Variants in FLT1 observed in about 807,000 individuals in gnomAD.
The protein encoded by FLT1 is fms related receptor tyrosine kinase 1.
In FLT1, 49 loss-of-function variants were observed where a neutral mutation model predicts 156.3. The observed-to-expected ratio is 0.31, with a 90% confidence interval of 0.25 to 0.40. The LOEUF (loss-of-function observed/expected upper bound fraction) is 0.40. Ranked by LOEUF, FLT1 falls within the 10% of genes least tolerant of loss-of-function variation. The pLI is 1.00. For synonymous variants in FLT1, 594 were observed against 583.8 expected (o/e 1.02, Z -0.25); for missense variants, 1,322 against 1,637.2 (o/e 0.81, Z 3.32).
At chr13:28,351,957 C>T (rs996761391) in intron 15 of FLT1, among the ~76,000 whole-genome samples, 4 of 152,166 alleles carry the variant, frequency 2.6e-5, no homozygotes, top group Non-Finnish European at 5.9e-5. Context: ...TACAACAAGC[C>T]TACAAAGATT....
At chr13:28,449,163 G>A (rs564695944) in intron 3 of FLT1, among the ~76,000 whole-genome samples, 70 of 152,214 alleles carry the variant, frequency 4.6e-4, no homozygotes, top group Admixed American at 1.4e-3. Flanking sequence ...CACACCTATA[G>A]TCCCAGCTAC....
At chr13:28,441,874 T>C (rs1227558235) in intron 3 of FLT1, among the ~76,000 whole-genome samples, 1 of 152,222 alleles carries the variant, frequency 6.6e-6, no homozygotes, top group Non-Finnish European at 1.5e-5. Flanking sequence ...CTTTCTAGAA[T>C]GATCATGCAT....
At chr13:28,368,587 TGATGATGATGAC>T (rs1465294974) in intron 14 of FLT1, 3 of 1,502,476 alleles carry the variant, frequency 2.0e-6, no homozygotes, top group Non-Finnish European at 2.7e-6. Context: ...GCTATGATGA[TGATGATGATGAC>T]GATGATGATG....
chr13:28,328,176 T>C (rs1871772822), intron 19 of FLT1: 1 of 152,414 alleles, frequency 6.6e-6, no homozygotes, highest in African/African-American at 2.4e-5. Context: ...CCAAGAAAAC[T>C]ATGAACACAG....
chr13:28,488,026 A>G (rs902502272), intron 1 of FLT1, among the ~76,000 whole-genome samples: 6 of 151,632 alleles, frequency 4.0e-5, no homozygotes, highest in African/African-American at 9.7e-5. Flanking sequence ...CGTGGGAGCC[A>G]GAAGAGAGAG....
chr13:28,305,180 G>A (rs1044323309), intron 29 of FLT1, among the ~76,000 whole-genome samples: 32 of 152,044 alleles, frequency 2.1e-4, no homozygotes, highest in African/African-American at 6.0e-4. Flanking sequence ...CCATATCCTC[G>A]CCACACTGAC....
Position 28,384,905 on chromosome 13 carries a change from T to C in FLT1, c.2096A>G (p.His699Arg). The change falls in exon 14 of 30, where the codon CAC (histidine) becomes CGC (arginine). Residue 699 changes from histidine (H) to arginine (R), a missense_variant. Physicochemically the swap from His to Arg is conservative, Grantham distance 29. Around this residue, in one of 3 missense-constraint regions of FLT1, gnomAD observed 991 missense variants for 1,254.8 expected, o/e 0.79. Transcript: ENST00000282397. Reference sequence around the variant, plus strand: ...CTTACCAGGCTCTTGTTGTATTTTGTGGTTGTTTTTAAACCAAGTGATCTG... The same window carrying C: ...CTTACCAGGCTCTTGTTGTATTTTGCGGTTGTTTTTAAACCAAGTGATCTG... ...EPQITWFKNNHKIQQEPGIIL... is the reference protein window; with the variant it reads ...EPQITWFKNNRKIQQEPGIIL... 2 of 1,614,126 alleles carry C rather than the reference T, an allele frequency of 1.2e-6. No homozygotes were observed. Among genetic ancestry groups the C allele is most frequent in the Non-Finnish European group, 1.7e-6 (2 of 1,179,992 alleles).
chr13:28,333,893 C>A (rs1872019141), intron 18 of FLT1, 132 bp downstream of exon 18: 1 of 756,582 alleles, frequency 1.3e-6, no homozygotes. Flanking sequence ...AGGCCTCTAG[C>A]AGTAGAAGAA....
rs1056377770 is a variant in FLT1, at chr13:28,368,653, T to A, written c.2117-10968A>T. Reference sequence around the variant, plus strand: ...ATGACGATGACGATGGTGACGTTGATGTATACAGTTCTAGGTACACAGTAA... The same window carrying A: ...ATGACGATGACGATGGTGACGTTGAAGTATACAGTTCTAGGTACACAGTAA... On this transcript the variant is annotated intron_variant, in intron 14 of 29. Coordinates refer to ENST00000282397, the MANE Select transcript of FLT1 (RefSeq NM_002019.4). The A allele has an allele frequency of 2.9e-6, 3 of 1,049,378 alleles. No homozygotes were observed. In the African/African-American group the frequency reaches 4.8e-5, roughly 17 times the overall value. The allele number at this position is 1,049,378 out of a possible 1,614,324, so 65.0% of individuals were successfully genotyped here.
At chr13:28,373,477 T>C (rs147656328) in intron 14 of FLT1, among the ~76,000 whole-genome samples, 241 of 152,314 alleles carry the variant, frequency 1.6e-3, no homozygotes, top group Non-Finnish European at 3.1e-3. Flanking sequence ...GAATTGGGCA[T>C]AGTGGTGACC....
Position 28,301,389 on chromosome 13 carries a change from T to TTCCTC in FLT1, c.*1777_*1778insGAGGA, listed in dbSNP as rs1238667230. On this transcript the variant is annotated 3_prime_UTR_variant, in exon 30 of 30. Coordinates refer to ENST00000282397, the MANE Select transcript of FLT1 (RefSeq NM_002019.4). ...GACTGTCCCACTCCTCTCTTCTGGCTAGTGAGTCTTCCACAAAAGCCGCTG... is the reference window on the plus strand; with the variant it reads ...GACTGTCCCACTCCTCTCTTCTGGCTTCCTCAGTGAGTCTTCCACAAAAGCCGCTG... 1 of 233,030 alleles carries TTCCTC rather than the reference T, an allele frequency of 4.3e-6. No individual in the cohort carries two copies. Among genetic ancestry groups the TTCCTC allele is most frequent in the Non-Finnish European group, 8.5e-6 (1 of 117,972 alleles). The allele number at this position is 233,030 out of a possible 1,614,324, so 14.4% of individuals were successfully genotyped here. A position where few individuals can be genotyped will look rare whatever the true frequency, so the allele number is the denominator to read the frequency against.
chr13:28,384,448 C>CAAAA (rs79860949), intron 14 of FLT1, among the ~76,000 whole-genome samples: 78 of 58,542 alleles, frequency 1.3e-3, no homozygotes, highest in Non-Finnish European at 1.7e-3. Context: ...GACTCCATCT[C>CAAAA]AAAAAAAAAA....
At chr13:28,488,634 G>C (rs1351219517) in intron 1 of FLT1, among the ~76,000 whole-genome samples, 1 of 152,184 alleles carries the variant, frequency 6.6e-6, no homozygotes, top group Non-Finnish European at 1.5e-5. Flanking sequence ...GGGCCGGGAT[G>C]GGGGTGAGGA....
chr13:28,380,285 A>AAATAGTCAT (rs1874021089), intron 14 of FLT1, among the ~76,000 whole-genome samples: 1 of 152,248 alleles, frequency 6.6e-6, no homozygotes, highest in Non-Finnish European at 1.5e-5. Context: ...TTACAAAAAG[A>AAATAGTCAT]AATAGTCATA....
At position 28,438,209 on chromosome 13, in the gene FLT1, G is replaced by A. The variant is rs774556667; in HGVS notation, c.513+12C>T. On this transcript the variant is annotated intron_variant, in intron 4 of 29. Transcript: ENST00000282397. ...GTGAAAGTATGCTGAGAATAGCGGT[G>A]TTCAAATTTACCTTTTTTAAAGTAA... 18 of 1,612,786 alleles carry A rather than the reference G, an allele frequency of 1.1e-5. 1 individual carries two copies. In the South Asian group the frequency reaches 1.6e-4, roughly 15 times the overall value.
At chr13:28,483,636 G>A (rs892738817) in intron 1 of FLT1, among the ~76,000 whole-genome samples, 6 of 152,176 alleles carry the variant, frequency 3.9e-5, no homozygotes, top group South Asian at 2.1e-4. Flanking sequence ...TTGACTTCTT[G>A]CAGGTCTATG....
intron 3 of FLT1, among the ~76,000 whole-genome samples, chr13:28,462,722 C>T (rs1433566559): frequency 6.6e-6 from 1 of 152,134 alleles, no homozygotes; most frequent in East Asian, 1.9e-4. Context: ...CTGAGTGTCA[C>T]ATTGATTCCC....
intron 10 of FLT1, among the ~76,000 whole-genome samples, chr13:28,411,180 G>C (rs186682265): frequency 6.6e-6 from 1 of 151,884 alleles, no homozygotes; most frequent in Non-Finnish European, 1.5e-5. Flanking sequence ...ATTCTAGTTC[G>C]TTTTGGTCAT....
At chr13:28,458,504 C>A (rs1879394017) in intron 3 of FLT1, among the ~76,000 whole-genome samples, 1 of 152,148 alleles carries the variant, frequency 6.6e-6, no homozygotes, top group Admixed American at 6.5e-5. Flanking sequence ...CATGTCCACA[C>A]ACCAAGTGCT....
Sources: allele counts gnomAD v4.1 joint callset (sites outside exome capture counted in the v4.1 genomes callset), GRCh38; gene constraint gnomAD v4.1.1; regional missense constraint gnomAD v4.1.1; transcripts MANE v1.5; gene names NCBI Gene and HGNC (gene_info 2026-07-23, HGNC 2026-07-21).